Variants in CFAP36 observed in about 807,000 individuals in gnomAD.
The protein encoded by CFAP36 is cilia- and flagella-associated protein 36.
Under a neutral mutation model 50.5 loss-of-function variants are expected in CFAP36, and 37 were observed. The observed-to-expected ratio is 0.73, with a 90% CI of 0.56 to 0.96. The LOEUF is 0.96. Among genes scored for constraint, CFAP36 ranks in the 50% least tolerant of loss-of-function variants. CFAP36 has a pLI of 0.00. For synonymous variants in CFAP36, 138 were observed against 128.2 expected (o/e 1.08, Z -0.52); for missense variants, 407 against 396.2 (o/e 1.03, Z -0.23).
rs529364814 is a variant in CFAP36 at position 55,544,894 on chromosome 2, C to T, written c.928-13C>T. 3.4e-5 allele frequency: 52 copies of T among 1,515,902 alleles called. No homozygotes were observed. The highest frequency in any genetic ancestry group is 1.8e-4 in the Middle Eastern group (1 of 5,706). 93.9% of individuals were successfully genotyped at this position (1,515,902 alleles called of 1,614,324 possible). The stretch of plus-strand genomic sequence containing the variant: ...TATTTCATACTGTAGCCAATTTTTT[C>T]TTTTTTTTTCAGGAAATGACAGAGA... On this transcript the variant is annotated splice_polypyrimidine_tract_variant and intron_variant, in intron 9 of 9. Transcript: ENST00000349456.
chr2:55,544,084 C>T lies in CFAP36; in HGVS notation c.777+10C>T, dbSNP rs186765766. ...TGAAGGACCAATAGCAGTAAGTAAA[C>T]GACATCACTTAAGAACTATAAGCAA... On this transcript the variant is annotated intron_variant, in intron 8 of 9. Coordinates refer to ENST00000349456, the MANE Select transcript of CFAP36 (RefSeq NM_080667.7). 4,733 of 1,613,114 alleles carry T rather than the reference C, an allele frequency of 2.9e-3. 8 individuals are homozygous for T. Among genetic ancestry groups the T allele is most frequent in the Non-Finnish European group, 3.7e-3 (4,332 of 1,179,720 alleles).
At chr2:55,538,868 T>G (rs1213047396) in intron 7 of CFAP36, 5 of 1,492,980 alleles carry the variant, frequency 3.3e-6, no homozygotes, top group Non-Finnish European at 4.5e-6. Flanking sequence ...CTTCTAAACC[T>G]TAGTTTAGAA....
intron 7 of CFAP36, among the ~76,000 whole-genome samples, chr2:55,540,211 G>C (rs1287043044): frequency 6.6e-6 from 1 of 152,026 alleles, no homozygotes; most frequent in Non-Finnish European, 1.5e-5. Flanking sequence ...CCATACCCAA[G>C]GTCACCTAAA....
chr2:55,529,742 G>A (rs72803511), intron 4 of CFAP36, among the ~76,000 whole-genome samples: 5,463 of 151,692 alleles, frequency 0.036, 140 homozygotes, highest in South Asian at 0.088. Flanking sequence ...TGCCTTGCGG[G>A]TTTACACCAT....
intron 3 of CFAP36, among the ~76,000 whole-genome samples, chr2:55,527,008 G>A (rs986646042): frequency 6.6e-6 from 1 of 152,014 alleles, no homozygotes; most frequent in African/African-American, 2.4e-5. Context: ...AGCCTGGGCT[G>A]CAGAGTGAGA....
In CFAP36 at chr2:55,519,844, A is replaced by C. The variant is rs754366142; in HGVS notation, c.43A>C (p.Ser15Arg). Reference sequence around the variant, plus strand: ...AGACGAGGTGGAGTGGGTAGTGGAGAGCATCGCGGGGTTCCTGCGAGGCCC... The same window carrying C: ...AGACGAGGTGGAGTGGGTAGTGGAGCGCATCGCGGGGTTCCTGCGAGGCCC... ...EEDEVEWVVESIAGFLRGPDW... is the reference protein window; with the variant it reads ...EEDEVEWVVERIAGFLRGPDW... Residue 15 changes from serine (S) to arginine (R), a missense_variant, in exon 1 of 10, where the codon AGC becomes CGC. Physicochemically the swap from Ser to Arg is moderately radical, Grantham distance 110. Transcript: ENST00000349456. 1.5e-5 allele frequency: 25 copies of C among 1,614,084 alleles called. No individual in the cohort carries two copies. The highest frequency in any genetic ancestry group is 8.3e-5 in the Admixed American group (5 of 60,010).
intron 2 of CFAP36, among the ~76,000 whole-genome samples, chr2:55,523,426 A>G (rs1489408871): frequency 6.6e-6 from 1 of 152,098 alleles, no homozygotes; most frequent in African/African-American, 2.4e-5. Context: ...AAAAAGAAAG[A>G]AAAGAAAAGA....
At chr2:55,528,258 G>GC (rs1477094048) in intron 3 of CFAP36, among the ~76,000 whole-genome samples, 4 of 150,614 alleles carry the variant, frequency 2.7e-5, no homozygotes, top group Admixed American at 1.3e-4. Context: ...ATAAACAAAT[G>GC]CCCCTCTTTA....
At chr2:55,522,933 A>G (rs899503791) in intron 2 of CFAP36, among the ~76,000 whole-genome samples, 1 of 151,966 alleles carries the variant, frequency 6.6e-6, no homozygotes, top group African/African-American at 2.4e-5. Flanking sequence ...CATCTTTATA[A>G]AAATTACAAA....
chr2:55,522,222 C>G, intron 2 of CFAP36, 56 bp downstream of exon 2: 1 of 866,256 alleles, frequency 1.2e-6, no homozygotes, highest in Non-Finnish European at 1.8e-6. Flanking sequence ...CTACTTATAG[C>G]TTTTCTAAAT....
intron 7 of CFAP36, chr2:55,539,617 A>T (rs1215337616): frequency 6.6e-6 from 1 of 152,222 alleles, no homozygotes; most frequent in Non-Finnish European, 1.5e-5. Flanking sequence ...CATAGCTTTC[A>T]GCTCCTTTGG....
At chr2:55,538,734 T>C (rs1466396371) in intron 7 of CFAP36, 3 of 1,514,462 alleles carry the variant, frequency 2.0e-6, no homozygotes, top group Non-Finnish European at 2.7e-6. Context: ...TGAGCCACTG[T>C]ACCCATCCCT....
At chr2:55,525,774 G>T (rs527933170) in intron 3 of CFAP36, among the ~76,000 whole-genome samples, 67 of 152,134 alleles carry the variant, frequency 4.4e-4, no homozygotes, top group Non-Finnish European at 8.7e-4. Context: ...GGGATTACAG[G>T]CTCCCACCAC....
intron 7 of CFAP36, among the ~76,000 whole-genome samples, chr2:55,540,142 G>T (rs1042824757): frequency 6.6e-6 from 1 of 152,054 alleles, no homozygotes; most frequent in African/African-American, 2.4e-5. Context: ...ATGAAGTTCA[G>T]CTTATTAATT....
Position 55,538,703 on chromosome 2 carries a change from A to G in CFAP36, c.640+1118A>G, listed in dbSNP as rs970003782. ...AGTGATCCTCCTGCCTCAGCCTCCC[A>G]AAGCACTAGGATTATAGGCATGAGC... On this transcript the variant is annotated intron_variant, in intron 7 of 9. Transcript: ENST00000349456. The G allele has an allele frequency of 4.9e-6, 7 of 1,415,690 alleles. No individual in the cohort carries two copies. In the African/African-American group the frequency reaches 1.0e-4, roughly 21 times the overall value. 87.7% of individuals were successfully genotyped at this position (1,415,690 alleles called of 1,614,324 possible).
intron 7 of CFAP36, 142 bp downstream of exon 7, chr2:55,537,727 G>T: frequency 1.6e-6 from 1 of 610,414 alleles, no homozygotes; most frequent in South Asian, 2.4e-5. Flanking sequence ...CGTTCTTTGT[G>T]AATTTGGTTA....
chr2:55,526,539 T>C (rs769757480), intron 3 of CFAP36, among the ~76,000 whole-genome samples: 10 of 152,188 alleles, frequency 6.6e-5, no homozygotes, highest in Non-Finnish European at 1.5e-4. Flanking sequence ...ACTCCTGGGT[T>C]CAAGTGAATC....
At chr2:55,525,620 G>A (rs1161644050) in intron 3 of CFAP36, among the ~76,000 whole-genome samples, 1 of 146,098 alleles carries the variant, frequency 6.8e-6, no homozygotes, top group Non-Finnish European at 1.5e-5. Context: ...GCCATTCCAG[G>A]TAACTTGCTC....
At chr2:55,539,077 T>C in intron 7 of CFAP36, 1 of 405,536 alleles carries the variant, frequency 2.5e-6, no homozygotes. Flanking sequence ...CCCTCAAAAG[T>C]AGTACATTTG....
Sources: allele counts gnomAD v4.1 joint callset (sites outside exome capture counted in the v4.1 genomes callset), GRCh38; gene constraint gnomAD v4.1.1; transcripts MANE v1.5; gene names NCBI Gene and HGNC (gene_info 2026-07-23, HGNC 2026-07-21).